Variants in FCHSD2 observed in about 807,000 individuals in gnomAD.
The protein encoded by FCHSD2 is F-BAR and double SH3 domains protein 2.
FCHSD2 carries 38 observed loss-of-function variants against 108.1 expected under a neutral mutation model. The observed-to-expected ratio is 0.35, with a 90% CI of 0.27 to 0.46. The LOEUF is 0.46. Among genes scored for constraint, FCHSD2 ranks in the 20% least tolerant of loss-of-function variants. The probability of loss-of-function intolerance (pLI) is 1.00; values close to 1 mark genes in which losing one functional copy is unlikely to be tolerated. For missense variants in FCHSD2, 751 were observed against 897.8 expected (o/e 0.84, Z 2.09); for synonymous variants, 279 against 314.7 (o/e 0.89, Z 1.20).
intron 8 of FCHSD2, among the ~76,000 whole-genome samples, chr11:72,938,437 A>C (rs943449114): frequency 6.6e-6 from 1 of 152,148 alleles, no homozygotes; most frequent in African/African-American, 2.4e-5. Flanking sequence ...AGGGTCTAGG[A>C]TAGTTAAGGG....
chr11:73,003,573 A>G (rs372280505), intron 4 of FCHSD2, among the ~76,000 whole-genome samples: 20 of 139,380 alleles, frequency 1.4e-4, no homozygotes, highest in East Asian at 8.4e-4. Context: ...TGCAAGCTCC[A>G]CCTCCCGGGT....
intron 4 of FCHSD2, among the ~76,000 whole-genome samples, chr11:73,005,373 A>G (rs1199356341): frequency 1.3e-5 from 2 of 152,236 alleles, no homozygotes; most frequent in Non-Finnish European, 2.9e-5. Context: ...GCTAGTCCAA[A>G]TAGTTCAAGT....
intron 3 of FCHSD2, among the ~76,000 whole-genome samples, chr11:73,030,984 T>C (rs1591496033): frequency 6.6e-6 from 1 of 151,842 alleles, no homozygotes; most frequent in Non-Finnish European, 1.5e-5. Context: ...CACATACACA[T>C]ACACACACAC....
chr11:73,082,296 C>T (rs1859708188), intron 3 of FCHSD2, among the ~76,000 whole-genome samples: 1 of 128,290 alleles, frequency 7.8e-6, no homozygotes, highest in African/African-American at 2.9e-5. Flanking sequence ...GAGATCGCAC[C>T]ACTGCACTCT....
At chr11:72,843,404 C>T (rs1465060035) in intron 15 of FCHSD2, 45 bp downstream of exon 15, 1 of 1,607,808 alleles carries the variant, frequency 6.2e-7, no homozygotes, top group East Asian at 2.2e-5. Context: ...AAAACAAACT[C>T]CTAAAAATGT....
chr11:72,902,026 G>A (rs886350024), intron 10 of FCHSD2, among the ~76,000 whole-genome samples: 2 of 151,798 alleles, frequency 1.3e-5, no homozygotes, highest in East Asian at 1.9e-4. Context: ...AGGGGCCCAC[G>A]ACCAAGCCCA....
intron 5 of FCHSD2, among the ~76,000 whole-genome samples, chr11:72,999,915 A>T (rs1857594335): frequency 6.6e-6 from 1 of 151,906 alleles, no homozygotes; most frequent in Admixed American, 6.6e-5. Context: ...ACTTTCTTCC[A>T]ACTCAAAATC....
intron 9 of FCHSD2, among the ~76,000 whole-genome samples, chr11:72,904,778 T>G (rs1339312551): frequency 6.6e-6 from 1 of 152,242 alleles, no homozygotes; most frequent in Admixed American, 6.5e-5. Flanking sequence ...TTTCTTTTCA[T>G]ATACTAGTTT....
chr11:72,919,364 G>T (rs1035675616), intron 9 of FCHSD2, among the ~76,000 whole-genome samples: 1 of 152,142 alleles, frequency 6.6e-6, no homozygotes, highest in Non-Finnish European at 1.5e-5. Flanking sequence ...ATACTCATAT[G>T]AGTGAATGCA....
At chr11:72,934,312 C>T (rs1396225638) in intron 8 of FCHSD2, among the ~76,000 whole-genome samples, 1 of 150,968 alleles carries the variant, frequency 6.6e-6, no homozygotes, top group African/African-American at 2.4e-5. Context: ...TTCAAAGAGA[C>T]CTCTATGAAG....
chr11:73,005,429 C>T (rs1857718723), intron 4 of FCHSD2, among the ~76,000 whole-genome samples: 1 of 152,106 alleles, frequency 6.6e-6, no homozygotes, highest in African/African-American at 2.4e-5. Context: ...CCTAGTTTAT[C>T]CTTCTTGAAA....
chr11:73,033,506 A>G (rs1242793986), intron 3 of FCHSD2, among the ~76,000 whole-genome samples: 1 of 152,156 alleles, frequency 6.6e-6, no homozygotes, highest in East Asian at 1.9e-4. Flanking sequence ...CACATTTTAG[A>G]TCTACTAGAT....
intron 3 of FCHSD2, among the ~76,000 whole-genome samples, chr11:73,060,656 G>A (rs1410948194): frequency 2.0e-5 from 3 of 152,102 alleles, no homozygotes; most frequent in Admixed American, 6.6e-5. Flanking sequence ...ACTTATGAAT[G>A]AGAGATTTAA....
intron 2 of FCHSD2, among the ~76,000 whole-genome samples, chr11:73,124,982 A>G (rs1383475291): frequency 6.6e-6 from 1 of 152,242 alleles, no homozygotes; most frequent in Admixed American, 6.5e-5. Context: ...CTCATCAGAA[A>G]TAATGAAAGC....
intron 12 of FCHSD2, among the ~76,000 whole-genome samples, chr11:72,872,590 T>C (rs1266308088): frequency 6.6e-6 from 1 of 152,204 alleles, no homozygotes; most frequent in Non-Finnish European, 1.5e-5. Flanking sequence ...CATAATATTT[T>C]CAAGATTCAT....
At chr11:73,077,771 A>G (rs1356816650) in intron 3 of FCHSD2, 2 of 294,900 alleles carry the variant, frequency 6.8e-6, no homozygotes, top group East Asian at 1.0e-4. Context: ...GAGAGGGATT[A>G]TAAGGACACA....
At chr11:73,084,613 G>A (rs924403185) in intron 2 of FCHSD2, among the ~76,000 whole-genome samples, 8 of 152,086 alleles carry the variant, frequency 5.3e-5, no homozygotes, top group Non-Finnish European at 1.2e-4. Context: ...GACTGGTCTC[G>A]AACTCCTGGC....
At chr11:72,846,600 C>T (rs1458976482) in intron 14 of FCHSD2, among the ~76,000 whole-genome samples, 1 of 152,186 alleles carries the variant, frequency 6.6e-6, no homozygotes, top group Non-Finnish European at 1.5e-5. Flanking sequence ...TTTCTTCTCA[C>T]TTACCCCAAC....
In FCHSD2 at chr11:73,026,444, A is replaced by G. The variant is rs1249524192; in HGVS notation, c.166-10559T>C. On this transcript the variant is annotated intron_variant, in intron 3 of 19. Transcript: ENST00000409418. The stretch of plus-strand genomic sequence containing the variant: ...CACTATAGTGACCATTTTACATCAT[A>G]TCTTATAACATCATATCATATACCT... 3.9e-5 allele frequency among the ~76,000 whole-genome samples: 6 copies of G among 152,226 alleles called. No homozygotes were observed. In the East Asian group the frequency reaches 1.2e-3, roughly 29 times the overall value.
Sources: gnomAD v4.1 joint callset for allele counts (sites outside exome capture counted in the v4.1 genomes callset) on GRCh38, gnomAD v4.1.1 for gene constraint, MANE v1.5 for transcripts, NCBI Gene and HGNC (gene_info 2026-07-23, HGNC 2026-07-21) for gene names.